The following RAD18 variants were observed in gnomAD, a reference collection of about 807,000 sequenced individuals.
RAD18 encodes the protein RAD18 E3 ubiquitin protein ligase, also known as E3 ubiquitin-protein ligase RAD18.
A neutral mutation model predicts 60.4 loss-of-function variants in RAD18; 47 were observed. The observed-to-expected ratio is 0.78, with a 90% CI of 0.62 to 0.99. The LOEUF is 0.99. RAD18 is among the 50% of genes least tolerant of loss of function. The pLI is 0.00. For missense variants in RAD18, 640 were observed against 593.3 expected, an observed-to-expected ratio of 1.08 and a Z score of -0.82; for synonymous variants, 225 against 195.5, an observed-to-expected ratio of 1.15 and a Z score of -1.26.
At chr3:8,886,022 G>T (rs945587399) in intron 12 of RAD18, among the ~76,000 whole-genome samples, 1 of 152,174 alleles carries the variant, frequency 6.6e-6, no homozygotes, top group Non-Finnish European at 1.5e-5. Flanking sequence ...GGGTCAGTTA[G>T]TCAGCATCTG....
At chr3:8,887,543 G>A (rs1476524375) in intron 12 of RAD18, among the ~76,000 whole-genome samples, 1 of 152,182 alleles carries the variant, frequency 6.6e-6, no homozygotes, top group Admixed American at 6.5e-5. Context: ...ATATCTTGTA[G>A]CTTGTTGTTG....
intron 7 of RAD18, among the ~76,000 whole-genome samples, chr3:8,918,582 T>C (rs1940251963): frequency 6.7e-6 from 1 of 148,448 alleles, no homozygotes; most frequent in African/African-American, 2.6e-5. Context: ...ATGTGAGGAA[T>C]GACACTGTGT....
intron 7 of RAD18, among the ~76,000 whole-genome samples, chr3:8,923,347 G>C (rs2125059910): frequency 6.6e-6 from 1 of 152,334 alleles, no homozygotes; most frequent in East Asian, 1.9e-4. Flanking sequence ...AATGAAGCAA[G>C]AAGAGAAGTT....
intron 1 of RAD18, among the ~76,000 whole-genome samples, chr3:8,961,230 A>G (rs1047195155): frequency 3.3e-5 from 5 of 152,238 alleles, no homozygotes; most frequent in African/African-American, 7.2e-5. Flanking sequence ...AGTAACATGC[A>G]TATCACATGC....
intron 2 of RAD18, among the ~76,000 whole-genome samples, chr3:8,954,195 A>C (rs1018697253): frequency 9.2e-5 from 14 of 152,318 alleles, no homozygotes; most frequent in South Asian, 6.2e-4. Flanking sequence ...GCAGATGCCA[A>C]CCTTTTCAGC....
intron 7 of RAD18, among the ~76,000 whole-genome samples, chr3:8,917,248 G>A (rs980505253): frequency 1.3e-5 from 2 of 152,100 alleles, no homozygotes; most frequent in African/African-American, 4.8e-5. Flanking sequence ...ACTTTCTGAG[G>A]AAATCATAAG....
chr3:8,902,714 C>T lies in RAD18; in HGVS notation c.1028-194G>A, dbSNP rs189100054. 5.9e-5 allele frequency among the ~76,000 whole-genome samples: 9 copies of T among 152,244 alleles called. No individual in the cohort carries two copies. The East Asian group carries it at 1.7e-3, about 29-fold the overall frequency. ...AACCAGCGTGGCCAGCATGGTGAAA[C>T]CCCATCTCTACTAAAAATACAAAAA... On this transcript the variant is annotated intron_variant, in intron 9 of 12. Transcript: ENST00000264926.
chr3:8,909,094 T>C (rs1559768522), intron 9 of RAD18, among the ~76,000 whole-genome samples: 1 of 151,984 alleles, frequency 6.6e-6, no homozygotes, highest in Non-Finnish European at 1.5e-5. Flanking sequence ...GAGAAAGAGA[T>C]AGTTCCAGAC....
At chr3:8,899,456 TTA>T (rs1398434870) in intron 10 of RAD18, among the ~76,000 whole-genome samples, 4 of 152,176 alleles carry the variant, frequency 2.6e-5, no homozygotes, top group Non-Finnish European at 5.9e-5. Context: ...TTTGCTACTA[TTA>T]TATGATAGTG....
intron 7 of RAD18, among the ~76,000 whole-genome samples, chr3:8,926,010 G>A (rs1461071323): frequency 2.0e-5 from 3 of 151,370 alleles, no homozygotes; most frequent in African/African-American, 7.2e-5. Flanking sequence ...ACAAGACAGG[G>A]ATGCCCTCTC....
intron 11 of RAD18, among the ~76,000 whole-genome samples, chr3:8,898,021 G>A (rs962551042): frequency 1.2e-4 from 19 of 152,020 alleles, no homozygotes; most frequent in African/African-American, 4.3e-4. Context: ...GCAGTGAGCC[G>A]AAATCGCACC....
chr3:8,898,322 A>G (rs1939831140), intron 11 of RAD18, among the ~76,000 whole-genome samples: 2 of 152,056 alleles, frequency 1.3e-5, no homozygotes. Context: ...GAAACGTAAC[A>G]TTTATGACAT....
intron 7 of RAD18, among the ~76,000 whole-genome samples, chr3:8,933,027 C>T (rs1474437802): frequency 1.3e-5 from 2 of 151,994 alleles, no homozygotes; most frequent in Non-Finnish European, 2.9e-5. Flanking sequence ...ACCTGGGAGA[C>T]GGAGGTTACA....
chr3:8,914,513 T>A (rs6794458), intron 7 of RAD18, among the ~76,000 whole-genome samples: 1 of 152,200 alleles, frequency 6.6e-6, no homozygotes, highest in African/African-American at 2.4e-5. Context: ...CTCTTTTCTC[T>A]ATTTCTGTAT....
Position 8,941,769 on chromosome 3 carries a change from G to C in RAD18, c.302C>G (p.Ala101Gly), listed in dbSNP as rs746960426. 17 of 1,613,818 alleles carry C rather than the reference G, an allele frequency of 1.1e-5. No individual in the cohort carries two copies. Among genetic ancestry groups the C allele is most frequent in the Non-Finnish European group, 1.4e-5 (16 of 1,179,922 alleles). ...HLLQFALESP[A>G]KSPASSSSKN... is the part of the protein sequence containing the mutation. ...TGAAGAGGAAGAAGCAGGAGATTTGGCTGGTGACTCTAAAGCAAACTGCAG... is the reference window on the plus strand; with the variant it reads ...TGAAGAGGAAGAAGCAGGAGATTTGCCTGGTGACTCTAAAGCAAACTGCAG... Residue 101 changes from alanine to glycine, a missense_variant, in exon 5 of 13, where the codon GCC becomes GGC. Physicochemically the swap from Ala to Gly is moderately conservative, Grantham distance 60. Transcript: ENST00000264926.
intron 7 of RAD18, among the ~76,000 whole-genome samples, chr3:8,927,860 T>C (rs1449660006): frequency 6.9e-6 from 1 of 145,924 alleles, no homozygotes; most frequent in Non-Finnish European, 1.5e-5. Flanking sequence ...AACTGAACAA[T>C]GACAACACTT....
chr3:8,886,390 T>C (rs760629830), intron 12 of RAD18, among the ~76,000 whole-genome samples: 72 of 152,274 alleles, frequency 4.7e-4, no homozygotes, highest in Middle Eastern at 6.8e-3. Context: ...CCTTGGCCAA[T>C]AGGGGAGTCT....
intron 7 of RAD18, among the ~76,000 whole-genome samples, chr3:8,926,320 A>C (rs557274782): frequency 6.6e-6 from 1 of 152,354 alleles, no homozygotes; most frequent in South Asian, 2.1e-4. Flanking sequence ...TGCTTCAAAG[A>C]GAATAAAATA....
chr3:8,940,156 T>C (rs1390781553), intron 5 of RAD18, among the ~76,000 whole-genome samples: 2 of 152,196 alleles, frequency 1.3e-5, no homozygotes, highest in African/African-American at 2.4e-5. Context: ...GATGATTCCA[T>C]ATATAATGTT....
Sources: allele counts gnomAD v4.1 joint callset (sites outside exome capture counted in the v4.1 genomes callset), GRCh38; gene constraint gnomAD v4.1.1; transcripts MANE v1.5; gene names NCBI Gene and HGNC (gene_info 2026-07-23, HGNC 2026-07-21).